EFR3A: variants seen among roughly 807,000 people sequenced by gnomAD.
The protein encoded by EFR3A is EFR3 homolog A, also known as protein EFR3 homolog A.
EFR3A carries 76 observed loss-of-function variants against 104.4 expected under a neutral mutation model. The observed-to-expected ratio is 0.73, with a 90% CI of 0.60 to 0.88. The LOEUF (loss-of-function observed/expected upper bound fraction) is 0.88. Ranked by LOEUF, EFR3A falls within the 40% of genes least tolerant of loss-of-function variation. EFR3A has a pLI of 0.00. For synonymous variants in EFR3A, 330 were observed against 330.0 expected, an observed-to-expected ratio of 1.00 and a Z score of 0.00; for missense variants, 985 against 1,012.5, an observed-to-expected ratio of 0.97 and a Z score of 0.37.
chr8:131,968,262 T>C, intron 8 of EFR3A, 33 bp from the exon 9 acceptor site: 1 of 1,600,252 alleles, frequency 6.2e-7, no homozygotes, highest in Non-Finnish European at 8.5e-7. Flanking sequence ...CATGTACTTT[T>C]TATACATCTT....
At position 132,002,713 on chromosome 8, in the gene EFR3A, G is replaced by A. The variant is rs371255382; in HGVS notation, c.2310+7G>A. 6 of 1,610,438 alleles carry A rather than the reference G, an allele frequency of 3.7e-6. No individual in the cohort carries two copies. The South Asian group carries it at 6.6e-5, about 18-fold the overall frequency. ...AGCACAGTGTGAATCCAAAGTAAGT[G>A]AAGAAACGGTGAAGGGCTTGTGGGT... On this transcript the variant is annotated splice_region_variant and intron_variant, in intron 21 of 22. Coordinates refer to ENST00000254624, the MANE Select transcript of EFR3A (RefSeq NM_015137.6).
intron 14 of EFR3A, among the ~76,000 whole-genome samples, chr8:131,980,589 G>A (rs1168787871): frequency 6.6e-6 from 1 of 151,916 alleles, no homozygotes; most frequent in Non-Finnish European, 1.5e-5. Flanking sequence ...TTGATTATAT[G>A]TATATAATGT....
At chr8:131,935,927 A>T (rs1817856810) in intron 1 of EFR3A, among the ~76,000 whole-genome samples, 1 of 151,878 alleles carries the variant, frequency 6.6e-6, no homozygotes, top group African/African-American at 2.4e-5. Flanking sequence ...AGCAAATGTT[A>T]TCTCAAACCA....
intron 1 of EFR3A, 98 bp downstream of exon 1, chr8:131,904,420 C>T (rs1816137026): frequency 8.8e-7 from 1 of 1,134,860 alleles, no homozygotes; most frequent in Admixed American, 4.3e-5. Context: ...GAGGCTGGGC[C>T]GCGCTGAGCA....
chr8:132,011,210 T>C lies in EFR3A; in HGVS notation c.*315T>C. The C allele has an allele frequency of 9.8e-7, 1 of 1,021,202 alleles. No individual in the cohort carries two copies. The highest frequency in any genetic ancestry group is 1.2e-6 in the Non-Finnish European group (1 of 851,360). 63.3% of individuals were successfully genotyped at this position (1,021,202 alleles called of 1,614,324 possible). A position where few individuals can be genotyped will look rare whatever the true frequency, so the allele number is the denominator to read the frequency against. ...AAACTTTTCACAAATGTAATGTTTT[T>C]TAAAAAGTAAGCCTTCAGAGGATTG... On this transcript the variant is annotated 3_prime_UTR_variant, in exon 23 of 23. Transcript: ENST00000254624.
intron 8 of EFR3A, among the ~76,000 whole-genome samples, chr8:131,967,501 A>G (rs1004188486): frequency 6.6e-6 from 1 of 151,710 alleles, no homozygotes; most frequent in Non-Finnish European, 1.5e-5. Flanking sequence ...AGCTTGGTGG[A>G]TGATAGTAGA....
At chr8:131,982,055 G>A (rs988502799) in intron 14 of EFR3A, among the ~76,000 whole-genome samples, 10 of 151,938 alleles carry the variant, frequency 6.6e-5, no homozygotes, top group African/African-American at 2.2e-4. Flanking sequence ...TTATTTTAAG[G>A]TGAACAACAG....
intron 1 of EFR3A, among the ~76,000 whole-genome samples, chr8:131,925,965 T>G (rs1817277364): frequency 6.6e-6 from 1 of 152,148 alleles, no homozygotes; most frequent in Non-Finnish European, 1.5e-5. Flanking sequence ...GTTATTATTT[T>G]TTTTTGAGTT....
chr8:131,977,339 A>C (rs1442583116), intron 12 of EFR3A, among the ~76,000 whole-genome samples: 3 of 152,160 alleles, frequency 2.0e-5, no homozygotes, highest in Non-Finnish European at 4.4e-5. Flanking sequence ...TGTCTTATAG[A>C]CGAAGATACC....
chr8:131,912,934 A>T (rs1194910213), intron 1 of EFR3A, among the ~76,000 whole-genome samples: 1 of 151,136 alleles, frequency 6.6e-6, no homozygotes, highest in East Asian at 1.9e-4. Flanking sequence ...TCATTGGTGG[A>T]TTATGTTGTT....
rs772094809 is a variant in EFR3A, at chr8:131,946,476, C to T, written c.216-7C>T. 4 of 1,538,478 alleles carry T rather than the reference C, an allele frequency of 2.6e-6. No individual in the cohort carries two copies. The South Asian group carries it at 5.1e-5, about 19-fold the overall frequency. On this transcript the variant is annotated splice_region_variant and splice_polypyrimidine_tract_variant and intron_variant, in intron 3 of 22. Transcript: ENST00000254624. Reference sequence around the variant, plus strand: ...ATGCTTTGACATTCTTTTTCTCCTACATGTAGGTATGTTTTGATTGCTATG... The same window carrying T: ...ATGCTTTGACATTCTTTTTCTCCTATATGTAGGTATGTTTTGATTGCTATG...
intron 19 of EFR3A, among the ~76,000 whole-genome samples, chr8:131,999,158 A>G (rs1206983977): frequency 1.3e-5 from 2 of 152,126 alleles, no homozygotes; most frequent in African/African-American, 2.4e-5. Context: ...TATATATTAA[A>G]TTTTGAGTAT....
intron 1 of EFR3A, among the ~76,000 whole-genome samples, chr8:131,910,536 G>A (rs1211476676): frequency 2.0e-5 from 3 of 152,208 alleles, no homozygotes; most frequent in African/African-American, 7.2e-5. Context: ...GCCTCGCAAA[G>A]GGCTGGAATT....
chr8:131,969,286 T>C lies in EFR3A; in HGVS notation c.991+856T>C, dbSNP rs144631887. ...TTGCTTGAAATTCAAAGTGGAAATA[T>C]ATTATCTAATGATATAGTCATCCCT... is the stretch of plus-strand genomic sequence containing the variant. On this transcript the variant is annotated intron_variant, in intron 9 of 22. Coordinates refer to ENST00000254624, the MANE Select transcript of EFR3A (RefSeq NM_015137.6). 2.8e-4 allele frequency among the ~76,000 whole-genome samples: 42 copies of C among 152,230 alleles called. 2 individuals carry two copies. The East Asian group carries it at 6.9e-3, about 25-fold the overall frequency.
intron 10 of EFR3A, among the ~76,000 whole-genome samples, chr8:131,973,912 T>A (rs536849310): frequency 6.6e-6 from 1 of 152,146 alleles, no homozygotes; most frequent in South Asian, 2.1e-4. Context: ...TAAAAAAAAA[T>A]CAAAGCAATT....
At chr8:132,004,690 T>C (rs1168138098) in intron 22 of EFR3A, among the ~76,000 whole-genome samples, 2 of 152,232 alleles carry the variant, frequency 1.3e-5, no homozygotes, top group African/African-American at 4.8e-5. Flanking sequence ...GATCTTATGC[T>C]ACATGGTTTA....
In EFR3A at chr8:131,968,483, C is replaced by G. The variant is rs113814183; in HGVS notation, c.991+53C>G. On this transcript the variant is annotated intron_variant, in intron 9 of 22. Transcript: ENST00000254624. ...GTGCGTTGATCTGGTTCAAAGTGTC[C>G]TTTCAGTATGCATAGCAGTGTATGA... 22 of 1,558,332 alleles carry G rather than the reference C, an allele frequency of 1.4e-5. No homozygotes were observed. The African/African-American group carries it at 2.9e-4, about 20-fold the overall frequency.
intron 18 of EFR3A, among the ~76,000 whole-genome samples, chr8:131,989,918 C>G (rs1298344457): frequency 1.3e-5 from 2 of 152,142 alleles, no homozygotes; most frequent in Non-Finnish European, 2.9e-5. Flanking sequence ...TTTTACTTAT[C>G]TCTTATCAAC....
intron 1 of EFR3A, among the ~76,000 whole-genome samples, chr8:131,911,634 AACG>A: frequency 6.6e-6 from 1 of 152,240 alleles, no homozygotes; most frequent in African/African-American, 2.4e-5. Context: ...AAATTTATGT[AACG>A]TATATATGCA....
Sources: allele counts gnomAD v4.1 joint callset (sites outside exome capture counted in the v4.1 genomes callset), GRCh38; gene constraint gnomAD v4.1.1; transcripts MANE v1.5; gene names NCBI Gene and HGNC (gene_info 2026-07-23, HGNC 2026-07-21).